Variants in SYNE3 observed in about 807,000 individuals in gnomAD.
SYNE3 encodes the protein nesprin-3.
Under a neutral mutation model 111.2 loss-of-function variants are expected in SYNE3, and 100 were observed. That is an observed-to-expected ratio of 0.90 (90% CI 0.77 to 1.06). The LOEUF (loss-of-function observed/expected upper bound fraction) is 1.06. Ranked by LOEUF, SYNE3 falls within the 50% of genes least tolerant of loss-of-function variation. The pLI, the probability that SYNE3 is intolerant of heterozygous loss-of-function variation, is 0.00. For missense variants in SYNE3, 1,160 were observed against 1,240.3 expected (o/e 0.94, Z 0.97); for synonymous variants, 547 against 533.9 (o/e 1.02, Z -0.34).
intron 2 of SYNE3, among the ~76,000 whole-genome samples, chr14:95,471,920 A>AG (rs1888554655): frequency 1.3e-5 from 2 of 152,194 alleles, no homozygotes; most frequent in Admixed American, 1.3e-4. Context: ...TTTTCCCTCA[A>AG]CCCAGCCAAG....
Position 95,418,449 on chromosome 14 carries a change from C to T in SYNE3, c.2728-423G>A, listed in dbSNP as rs149266939. ...AGCCTGGCACATAGTAAGTATGTAC[C>T]AGCTGCTGTCATGATTAGTATGCAT... On this transcript the variant is annotated intron_variant, in intron 17 of 17. Transcript: ENST00000682763. Among the ~76,000 whole-genome samples, 8 of 152,234 alleles carry T rather than the reference C, an allele frequency of 5.3e-5. No homozygotes were observed. The East Asian group carries it at 1.5e-3, about 29-fold the overall frequency.
In SYNE3 at chr14:95,485,838, C is replaced by G. The variant is rs1428989516; in HGVS notation, c.-14-10003G>C. Among the ~76,000 whole-genome samples, 1 of 152,180 alleles carries G rather than the reference C, an allele frequency of 6.6e-6. No individual in the cohort carries two copies. Among genetic ancestry groups the G allele is most frequent in the East Asian group, 1.9e-4 (1 of 5,184 alleles). On this transcript the variant is annotated intron_variant, in intron 1 of 17. Transcript: ENST00000682763. This position sits in a 1 kb window ranked among gnomAD's most constrained non-coding sequence, Gnocchi z 4.3. ...ATCTCTCCTGCTCCTCACTTCACCTCCTTCGTGGAGCTCAGCACCTGCTCT... is the reference window on the plus strand; with the variant it reads ...ATCTCTCCTGCTCCTCACTTCACCTGCTTCGTGGAGCTCAGCACCTGCTCT...
intron 1 of SYNE3, among the ~76,000 whole-genome samples, chr14:95,478,338 A>T (rs182947569): frequency 4.3e-4 from 65 of 152,184 alleles, no homozygotes; most frequent in African/African-American, 1.4e-3. Flanking sequence ...TTTACCACCT[A>T]ATGTGGTATC....
At chr14:95,498,030 A>T (rs1890170003) in intron 1 of SYNE3, among the ~76,000 whole-genome samples, 1 of 108,034 alleles carries the variant, frequency 9.3e-6, no homozygotes, top group African/African-American at 4.6e-5. Context: ...CCCAACTCTT[A>T]AAAAAAAAAA....
Position 95,455,399 on chromosome 14 carries a change from A to G in SYNE3, c.1115T>C (p.Val372Ala), listed in dbSNP as rs565175736. 1.3e-6 allele frequency: 2 copies of G among 1,551,692 alleles called. No homozygotes were observed. The highest frequency in any genetic ancestry group is 2.4e-5 in the South Asian group (2 of 81,778). Residue 372 changes from valine to alanine, a missense_variant, in exon 6 of 18, where the codon GTG (valine) becomes GCG (alanine). Transcript: ENST00000682763. ...TACCGAGTAGCGTCTCCAGTGTGCC[A>G]CCAGCTCGTCCTCGGTCCCCGCTTT... ...AAKAGTEDEL[V>A]AHWRRYSATR... is the part of the protein sequence containing the mutation.
At chr14:95,424,215 T>A (rs992850008) in intron 17 of SYNE3, among the ~76,000 whole-genome samples, 2 of 147,070 alleles carry the variant, frequency 1.4e-5, no homozygotes, top group Admixed American at 6.7e-5. Flanking sequence ...GCCACAGGTG[T>A]GAGAGGAGAT....
rs373653788 is a variant in SYNE3, at chr14:95,475,640, A to G, written c.144+38T>C. ...TCTGAGGGCGGGGTGGGATGGGGCC[A>G]AGACCACAGGGCCATCTGAGGCCAC... On this transcript the variant is annotated intron_variant, in intron 2 of 17. Coordinates refer to ENST00000682763, the MANE Select transcript of SYNE3 (RefSeq NM_152592.6). 1.5e-3 allele frequency: 2,162 copies of G among 1,451,082 alleles called. 4 individuals carry two copies. Among genetic ancestry groups the G allele is most frequent in the Non-Finnish European group, 1.8e-3 (2,032 of 1,101,788 alleles). 89.9% of individuals were successfully genotyped at this position (1,451,082 alleles called of 1,614,324 possible).
chr14:95,508,564 G>A (rs760029809), intron 1 of SYNE3, among the ~76,000 whole-genome samples: 6 of 152,258 alleles, frequency 3.9e-5, no homozygotes, highest in Non-Finnish European at 7.3e-5. Context: ...GTGCCACTGC[G>A]TGGGCAGGAG....
At chr14:95,449,888 G>A in intron 8 of SYNE3, 43 bp downstream of exon 8, 1 of 1,537,140 alleles carries the variant, frequency 6.5e-7, no homozygotes, top group Non-Finnish European at 8.8e-7. Context: ...TGCCCCGCCA[G>A]TGGCCCACCC....
intron 4 of SYNE3, among the ~76,000 whole-genome samples, chr14:95,461,576 C>T (rs918632188): frequency 6.6e-6 from 1 of 152,190 alleles, no homozygotes; most frequent in African/African-American, 2.4e-5. Context: ...AGAGGCTGTG[C>T]TAATTAACAT....
chr14:95,486,464 C>T (rs1889554156), intron 1 of SYNE3, among the ~76,000 whole-genome samples: 1 of 152,070 alleles, frequency 6.6e-6, no homozygotes, highest in African/African-American at 2.4e-5. Flanking sequence ...AGGGGTCTTC[C>T]CCACAGAGGG....
intron 1 of SYNE3, among the ~76,000 whole-genome samples, chr14:95,505,712 T>TA (rs1202809826): frequency 6.6e-6 from 1 of 151,984 alleles, no homozygotes; most frequent in Non-Finnish European, 1.5e-5. Flanking sequence ...TTACCTTAAA[T>TA]AAAAAAACAG....
intron 1 of SYNE3, among the ~76,000 whole-genome samples, chr14:95,477,626 C>CTTTG (rs1378517505): frequency 6.6e-6 from 1 of 152,168 alleles, no homozygotes; most frequent in East Asian, 1.9e-4. Flanking sequence ...GGCCATCAGA[C>CTTTG]GCGTGCTGGG....
At chr14:95,438,012 G>A (rs1465228593) in intron 14 of SYNE3, 2 of 152,170 alleles carry the variant, frequency 1.3e-5, no homozygotes, top group South Asian at 2.1e-4. Flanking sequence ...ATGCAGAATC[G>A]AATTGTGGGC....
At chr14:95,478,122 G>A (rs974117973) in intron 1 of SYNE3, among the ~76,000 whole-genome samples, 4 of 152,140 alleles carry the variant, frequency 2.6e-5, no homozygotes, top group Admixed American at 6.5e-5. Context: ...TTGAGCAGGC[G>A]GGGATGCTCA....
At chr14:95,476,979 T>C (rs2139516200) in intron 1 of SYNE3, among the ~76,000 whole-genome samples, 1 of 152,318 alleles carries the variant, frequency 6.6e-6, no homozygotes, top group Middle Eastern at 3.4e-3. Flanking sequence ...TAAAATGAAT[T>C]TGTGAATGGT....
intron 1 of SYNE3, among the ~76,000 whole-genome samples, chr14:95,480,601 C>T (rs1889182355): frequency 6.6e-6 from 1 of 152,202 alleles, no homozygotes; most frequent in Non-Finnish European, 1.5e-5. Flanking sequence ...TGGGAGAGGA[C>T]AGGAATCTTC....
At chr14:95,471,976 G>A (rs540192686) in intron 2 of SYNE3, among the ~76,000 whole-genome samples, 1 of 152,274 alleles carries the variant, frequency 6.6e-6, no homozygotes, top group East Asian at 1.9e-4. Context: ...CTAGGGTCCT[G>A]GATGAACAAG....
intron 17 of SYNE3, among the ~76,000 whole-genome samples, chr14:95,431,683 G>T (rs1181935119): frequency 3.9e-5 from 6 of 152,150 alleles, no homozygotes; most frequent in African/African-American, 1.4e-4. Flanking sequence ...TCACCAGGGT[G>T]GCCACACCGT....
Sources: gnomAD v4.1 joint callset for allele counts (sites outside exome capture counted in the v4.1 genomes callset) on GRCh38, gnomAD v4.1.1 for gene constraint, Gnocchi (gnomAD v3.1) non-coding constraint, MANE v1.5 for transcripts, NCBI Gene and HGNC (gene_info 2026-07-23, HGNC 2026-07-21) for gene names.